VEPH1: variants seen among roughly 807,000 people sequenced by gnomAD.
VEPH1 encodes the protein ventricular zone expressed PH domain containing 1, also known as ventricular zone-expressed PH domain-containing protein homolog 1.
VEPH1 carries 80 observed loss-of-function variants against 85.2 expected under a neutral mutation model. The observed-to-expected ratio is 0.94, with a 90% CI of 0.78 to 1.13. VEPH1 has a LOEUF of 1.13. Among genes scored for constraint, VEPH1 ranks in the 50% most tolerant of loss-of-function variants. The probability of loss-of-function intolerance (pLI) is 0.00; values close to 1 mark genes in which losing one functional copy is unlikely to be tolerated. For synonymous variants in VEPH1, 297 were observed against 348.0 expected (o/e 0.85, Z 1.63); for missense variants, 955 against 980.5 (o/e 0.97, Z 0.35).
intron 6 of VEPH1, among the ~76,000 whole-genome samples, chr3:157,393,404 GTATC>G (rs1304295923): frequency 2.6e-5 from 4 of 152,160 alleles, no homozygotes; most frequent in African/African-American, 9.7e-5. Flanking sequence ...TAATTGTAAA[GTATC>G]TAGCATAGAG....
At chr3:157,325,785 G>A (rs1039348497) in intron 9 of VEPH1, among the ~76,000 whole-genome samples, 3 of 152,004 alleles carry the variant, frequency 2.0e-5, no homozygotes, top group Non-Finnish European at 2.9e-5. Context: ...AGCTTTATTC[G>A]TTTTACTTAG....
intron 4 of VEPH1, among the ~76,000 whole-genome samples, chr3:157,430,343 C>CAACA (rs1733045641): frequency 6.6e-6 from 1 of 152,150 alleles, no homozygotes; most frequent in African/African-American, 2.4e-5. Context: ...CATCCCTTCG[C>CAACA]AACATATTTT....
chr3:157,363,796 G>T, intron 8 of VEPH1, 35 bp from the exon 9 acceptor site: 1 of 1,592,460 alleles, frequency 6.3e-7, no homozygotes, highest in Admixed American at 1.8e-5. Flanking sequence ...TAAAGAAGTT[G>T]TGTTACCATT....
At chr3:157,368,522 C>A (rs374827315) in intron 7 of VEPH1, among the ~76,000 whole-genome samples, 1 of 151,838 alleles carries the variant, frequency 6.6e-6, no homozygotes, top group Non-Finnish European at 1.5e-5. Context: ...AACTGAGTCA[C>A]GCTCTGTCGC....
intron 1 of VEPH1, among the ~76,000 whole-genome samples, chr3:157,500,687 C>T (rs944080135): frequency 2.0e-5 from 3 of 151,972 alleles, no homozygotes; most frequent in Non-Finnish European, 4.4e-5. Context: ...CCTTTTAATC[C>T]TCTATTCATT....
chr3:157,349,365 C>T (rs976093077), intron 9 of VEPH1, among the ~76,000 whole-genome samples: 1 of 152,118 alleles, frequency 6.6e-6, no homozygotes, highest in African/African-American at 2.4e-5. Context: ...ACAAACTAGG[C>T]ATCAATGGAA....
chr3:157,464,349 T>C (rs1242585347), intron 3 of VEPH1, among the ~76,000 whole-genome samples: 2 of 152,200 alleles, frequency 1.3e-5, no homozygotes, highest in African/African-American at 2.4e-5. Flanking sequence ...CATGAAACTA[T>C]TTCATCTCTG....
intron 9 of VEPH1, among the ~76,000 whole-genome samples, chr3:157,321,898 G>T (rs1721393689): frequency 1.3e-5 from 2 of 151,492 alleles, no homozygotes; most frequent in African/African-American, 2.4e-5. Flanking sequence ...TTTTTATTGT[G>T]GTAAATTATA....
At chr3:157,361,444 AG>A (rs1447909647) in intron 9 of VEPH1, among the ~76,000 whole-genome samples, 1 of 152,218 alleles carries the variant, frequency 6.6e-6, no homozygotes, top group Non-Finnish European at 1.5e-5. Flanking sequence ...TATGGAAAAA[AG>A]GGCTCTTCTA....
chr3:157,433,049 A>G (rs1560056894), intron 4 of VEPH1, among the ~76,000 whole-genome samples: 1 of 152,206 alleles, frequency 6.6e-6, no homozygotes. Flanking sequence ...GTATTAATAA[A>G]GCAATAGATT....
chr3:157,471,963 C>T lies in VEPH1; in HGVS notation c.139-1434G>A, dbSNP rs552476020. ...TGAAAGGTAATACATAAACATCGTA[C>T]AAAAATTCAAAAGATGCAAAGAAAG... On this transcript the variant is annotated intron_variant, in intron 2 of 13. Coordinates refer to ENST00000362010, the MANE Select transcript of VEPH1 (RefSeq NM_001167912.2). 1.9e-4 allele frequency among the ~76,000 whole-genome samples: 29 copies of T among 152,122 alleles called. No homozygotes were observed. The South Asian group carries it at 5.8e-3, about 31-fold the overall frequency.
intron 9 of VEPH1, among the ~76,000 whole-genome samples, chr3:157,322,836 T>C (rs1721501376): frequency 1.3e-5 from 2 of 152,204 alleles, no homozygotes; most frequent in African/African-American, 4.8e-5. Context: ...GAATAAATAA[T>C]ACTGTCATTT....
chr3:157,445,657 C>T (rs1042419732), intron 4 of VEPH1, among the ~76,000 whole-genome samples: 6 of 114,670 alleles, frequency 5.2e-5, no homozygotes, highest in African/African-American at 2.7e-4. Flanking sequence ...GGTGTAGTGG[C>T]GTGCGCCTGT....
At chr3:157,460,404 T>G (rs1465309875) in intron 3 of VEPH1, 49 bp from the exon 4 acceptor site, 3 of 1,575,022 alleles carry the variant, frequency 1.9e-6, no homozygotes, top group Non-Finnish European at 2.6e-6. Flanking sequence ...CATTATTCAT[T>G]TATTCATTCA....
intron 9 of VEPH1, among the ~76,000 whole-genome samples, chr3:157,317,684 G>T (rs969888827): frequency 6.6e-6 from 1 of 152,180 alleles, no homozygotes; most frequent in African/African-American, 2.4e-5. Context: ...AACTGTACTG[G>T]TCGGGTTTGA....
rs1408217829 is a variant in VEPH1, at chr3:157,292,548, TG to T, written c.2011-5875del. ...TTCTACTAAAAATACAAAAATTAGC[TG>T]GGCGTGGTGGCAGGCACCTATCATC... On this transcript the variant is annotated intron_variant, in intron 11 of 13. Coordinates refer to ENST00000362010, the MANE Select transcript of VEPH1 (RefSeq NM_001167912.2). 2.0e-5 allele frequency among the ~76,000 whole-genome samples: 3 copies of T among 151,686 alleles called. No homozygotes were observed. In the East Asian group the frequency reaches 5.8e-4, roughly 29 times the overall value.
intron 12 of VEPH1, among the ~76,000 whole-genome samples, chr3:157,278,972 C>T (rs1380756256): frequency 1.3e-5 from 2 of 152,026 alleles, no homozygotes; most frequent in Non-Finnish European, 2.9e-5. Context: ...TGCTTGAGCC[C>T]AGGAGTTTGA....
At chr3:157,446,109 A>G (rs1485305289) in intron 4 of VEPH1, among the ~76,000 whole-genome samples, 11 of 152,162 alleles carry the variant, frequency 7.2e-5, no homozygotes, top group Admixed American at 7.2e-4. Flanking sequence ...ACCATATTAC[A>G]GCATAGTAAA....
intron 7 of VEPH1, 74 bp from the exon 8 acceptor site, chr3:157,364,586 C>A: frequency 7.2e-7 from 1 of 1,382,668 alleles, no homozygotes; most frequent in South Asian, 1.3e-5. Flanking sequence ...CTCTATTTAA[C>A]TGCCTCTCAC....
Sources: allele counts gnomAD v4.1 joint callset (sites outside exome capture counted in the v4.1 genomes callset), GRCh38; gene constraint gnomAD v4.1.1; transcripts MANE v1.5; gene names NCBI Gene and HGNC (gene_info 2026-07-23, HGNC 2026-07-21).